Variants in CATSPERE observed in about 807,000 individuals in gnomAD.
CATSPERE encodes catsper channel auxiliary subunit epsilon.
In CATSPERE, 93 loss-of-function variants were observed where a neutral mutation model predicts 114.1. The observed-to-expected ratio is 0.81, with a 90% CI of 0.69 to 0.97. The LOEUF (loss-of-function observed/expected upper bound fraction) is 0.97, where lower values mean the gene tolerates loss of function less well. CATSPERE is among the 50% of genes least tolerant of loss of function. CATSPERE has a pLI of 0.00. For synonymous variants in CATSPERE, 341 were observed against 384.1 expected (o/e 0.89, Z 1.31); for missense variants, 1,058 against 1,131.6 (o/e 0.93, Z 0.93).
In CATSPERE at chr1:244,608,148, G is replaced by T. The variant is rs192731560; in HGVS notation, c.2404-2092G>T. Among the ~76,000 whole-genome samples, 7 of 152,210 alleles carry T rather than the reference G, an allele frequency of 4.6e-5. No homozygotes were observed. The East Asian group carries it at 9.7e-4, about 21-fold the overall frequency. ...AATTTTTTTAAAAAGAATTAAATTT[G>T]TATTTTGTAAATCCCCTGAGAGTTG... On this transcript the variant is annotated intron_variant, in intron 18 of 21. Coordinates refer to ENST00000366534, the MANE Select transcript of CATSPERE (RefSeq NM_001130957.2).
chr1:244,533,561 C>A (rs1310042250), intron 8 of CATSPERE, among the ~76,000 whole-genome samples: 1 of 151,994 alleles, frequency 6.6e-6, no homozygotes, highest in Non-Finnish European at 1.5e-5. Flanking sequence ...ATGAAGCTTG[C>A]AAATAATTAT....
intron 2 of CATSPERE, among the ~76,000 whole-genome samples, chr1:244,473,154 G>A (rs1407570841): frequency 6.8e-6 from 1 of 146,870 alleles, no homozygotes; most frequent in Non-Finnish European, 1.5e-5. Context: ...TATATGGTAG[G>A]AGTATGTTTA....
chr1:244,482,997 A>G (rs1021728217), intron 5 of CATSPERE, among the ~76,000 whole-genome samples: 3 of 152,190 alleles, frequency 2.0e-5, no homozygotes, highest in Non-Finnish European at 2.9e-5. Flanking sequence ...AGACTTACAC[A>G]TGTTTAAATA....
chr1:244,494,583 C>A, intron 6 of CATSPERE, among the ~76,000 whole-genome samples: 1 of 150,788 alleles, frequency 6.6e-6, no homozygotes. Flanking sequence ...GCACATGTAC[C>A]CTAAAACTTA....
Position 244,588,953 on chromosome 1 carries a change from C to T in CATSPERE, c.2138+419C>T, listed in dbSNP as rs111335083. 6.6e-3 allele frequency among the ~76,000 whole-genome samples: 1,008 copies of T among 152,262 alleles called. 5 individuals are homozygous for T. Among genetic ancestry groups the T allele is most frequent in the Non-Finnish European group, 0.012 (823 of 68,012 alleles). On this transcript the variant is annotated intron_variant, in intron 14 of 21. Coordinates refer to ENST00000366534, the MANE Select transcript of CATSPERE (RefSeq NM_001130957.2). ...ACTGCTTACACCCATATCAGAGAAGCCTCAGTTTTCTGCACCATTTTCTAT... is the reference window on the plus strand; with the variant it reads ...ACTGCTTACACCCATATCAGAGAAGTCTCAGTTTTCTGCACCATTTTCTAT...
intron 14 of CATSPERE, among the ~76,000 whole-genome samples, chr1:244,588,898 A>C (rs1295647957): frequency 2.6e-5 from 4 of 152,162 alleles, no homozygotes; most frequent in Non-Finnish European, 5.9e-5. Context: ...ATCCTTCTCA[A>C]ACCAGTTATA....
chr1:244,497,216 C>T (rs945250312), intron 6 of CATSPERE, among the ~76,000 whole-genome samples: 1 of 152,054 alleles, frequency 6.6e-6, no homozygotes, highest in East Asian at 1.9e-4. Context: ...GCAAACCAAG[C>T]TATATGATAA....
At position 244,593,589 on chromosome 1, in the gene CATSPERE, T is replaced by G; in HGVS notation, c.2303+11T>G. ...ACCTGTGGTTCAACTGTAAGTATAT[T>G]CTCATCAACATTTTAACTTATATTG... On this transcript the variant is annotated intron_variant, in intron 17 of 21. Transcript: ENST00000366534. 6.2e-7 allele frequency: 1 copy of G among 1,600,586 alleles called. No individual in the cohort carries two copies. The highest frequency in any genetic ancestry group is 8.5e-7 in the Non-Finnish European group (1 of 1,171,028).
chr1:244,586,899 C>T (rs1200824661), intron 13 of CATSPERE, among the ~76,000 whole-genome samples: 1 of 152,198 alleles, frequency 6.6e-6, no homozygotes, highest in Non-Finnish European at 1.5e-5. Flanking sequence ...AGCCATGACT[C>T]TCTGCCTGGA....
chr1:244,535,310 T>G (rs1036569419), intron 8 of CATSPERE, among the ~76,000 whole-genome samples: 2 of 152,196 alleles, frequency 1.3e-5, no homozygotes, highest in African/African-American at 4.8e-5. Flanking sequence ...CAGCAGGTGG[T>G]GAAGCCAGCC....
rs929141790 is a variant in CATSPERE, at chr1:244,518,256, C to T, written c.430-336C>T. Among the ~76,000 whole-genome samples, 9 of 152,102 alleles carry T rather than the reference C, an allele frequency of 5.9e-5. No homozygotes were observed. The South Asian group carries it at 8.3e-4, about 14-fold the overall frequency. On this transcript the variant is annotated intron_variant, in intron 7 of 21. Coordinates refer to ENST00000366534, the MANE Select transcript of CATSPERE (RefSeq NM_001130957.2). ...CTCATGTAGGAAGAATTCTAACAAA[C>T]AGATTAGTTTCAGAAACTCTACTAT...
Position 244,566,563 on chromosome 1 carries a change from C to G in CATSPERE, c.1507+5418C>G, listed in dbSNP as rs189553113. On this transcript the variant is annotated intron_variant, in intron 10 of 21. Coordinates refer to ENST00000366534, the MANE Select transcript of CATSPERE (RefSeq NM_001130957.2). ...TTAGCTCTTCTTGTTGCATTGATTC[C>G]TTTACCATTATGTAATGCCCTTCTT... Among the ~76,000 whole-genome samples, 347 of 148,656 alleles carry G rather than the reference C, an allele frequency of 2.3e-3. 2 individuals are homozygous for G. Among genetic ancestry groups the G allele is most frequent in the African/African-American group, 8.1e-3 (332 of 40,746 alleles).
intron 17 of CATSPERE, chr1:244,598,279 C>G (rs577946241): frequency 6.6e-6 from 1 of 152,388 alleles, no homozygotes; most frequent in South Asian, 2.1e-4. Context: ...TAACCAGAAG[C>G]CAGTCTTACT....
chr1:244,596,614 G>A (rs1017895094), intron 17 of CATSPERE, among the ~76,000 whole-genome samples: 1 of 152,032 alleles, frequency 6.6e-6, no homozygotes. Flanking sequence ...TGTCTGGGGT[G>A]GGGGGCAAGG....
chr1:244,591,207 A>G (rs1667676664), intron 14 of CATSPERE, among the ~76,000 whole-genome samples: 1 of 152,204 alleles, frequency 6.6e-6, no homozygotes, highest in African/African-American at 2.4e-5. Context: ...TTGTGGACTG[A>G]CTGAATCTAG....
chr1:244,487,167 G>A (rs544940451), intron 5 of CATSPERE, among the ~76,000 whole-genome samples: 16 of 150,606 alleles, frequency 1.1e-4, no homozygotes, highest in Admixed American at 2.6e-4. Context: ...ACAGACCCTC[G>A]TAGTCACCTG....
chr1:244,482,498 A>G (rs1572317527), intron 5 of CATSPERE, among the ~76,000 whole-genome samples: 1 of 152,138 alleles, frequency 6.6e-6, no homozygotes, highest in African/African-American at 2.4e-5. Context: ...ACTACTTGTG[A>G]GGCTGAGGTA....
intron 9 of CATSPERE, among the ~76,000 whole-genome samples, chr1:244,553,602 T>TACACACAC (rs67626437): frequency 0.15 from 13,428 of 91,780 alleles, 1,297 homozygotes; most frequent in East Asian, 0.19. Flanking sequence ...AAAAAAAAAA[T>TACACACAC]ACACACACAC....
At position 244,621,062 on chromosome 1, in the gene CATSPERE, AT is replaced by A. The variant is rs1243910330; in HGVS notation, c.2648+3377del. Among the ~76,000 whole-genome samples, 211 of 57,052 alleles carry A rather than the reference AT, an allele frequency of 3.7e-3. 3 individuals are homozygous for A. The highest frequency in any genetic ancestry group is 0.012 in the African/African-American group (161 of 13,692). The allele number at this position is 57,052 out of a possible 152,430, so 37.4% of individuals were successfully genotyped here. On this transcript the variant is annotated intron_variant, in intron 20 of 21. Coordinates refer to ENST00000366534, the MANE Select transcript of CATSPERE (RefSeq NM_001130957.2). ...AAAATATATATATAAATATATATAA[AT>A]ATATATAAAATATATATATAAATAT...
Sources: allele counts gnomAD v4.1 joint callset (sites outside exome capture counted in the v4.1 genomes callset), GRCh38; gene constraint gnomAD v4.1.1; transcripts MANE v1.5; gene names NCBI Gene and HGNC (gene_info 2026-07-23, HGNC 2026-07-21).